PKNOX2: variants seen among roughly 807,000 people sequenced by gnomAD.
PKNOX2 encodes the protein homeobox protein PKNOX2.
In PKNOX2, 14 loss-of-function variants were observed where a neutral mutation model predicts 53.1. The observed-to-expected ratio is 0.26, with a 90% CI of 0.17 to 0.41. The LOEUF (loss-of-function observed/expected upper bound fraction) is 0.41, where lower values mean the gene tolerates loss of function less well. Ranked by LOEUF, PKNOX2 falls within the 10% of genes least tolerant of loss-of-function variation. PKNOX2 has a pLI of 1.00. For missense variants in PKNOX2, 496 were observed against 602.8 expected (o/e 0.82, Z 1.85); for synonymous variants, 257 against 242.8 (o/e 1.06, Z -0.54).
chr11:125,177,664 C>T (rs527514170), intron 1 of PKNOX2, among the ~76,000 whole-genome samples: 28 of 152,288 alleles, frequency 1.8e-4, no homozygotes, highest in Middle Eastern at 3.4e-3. Context: ...CCGTCACTTC[C>T]GTCTCTCTCC....
At chr11:125,243,071 GAT>G (rs1943282493) in intron 2 of PKNOX2, among the ~76,000 whole-genome samples, 1 of 152,202 alleles carries the variant, frequency 6.6e-6, no homozygotes, top group Admixed American at 6.5e-5. Flanking sequence ...GATTAAAAGA[GAT>G]ATGTGAAAGT....
chr11:125,306,674 C>T (rs1046311373), intron 2 of PKNOX2, among the ~76,000 whole-genome samples: 7 of 152,122 alleles, frequency 4.6e-5, no homozygotes, highest in African/African-American at 1.4e-4. Context: ...AAATGACTTG[C>T]CGAGTGTGCT....
rs1956248294 is a variant in PKNOX2, at chr11:125,423,083, T to C, written c.937-5929T>C. Among the ~76,000 whole-genome samples, 3 of 152,160 alleles carry C rather than the reference T, an allele frequency of 2.0e-5. No homozygotes were observed. The South Asian group carries it at 6.2e-4, about 32-fold the overall frequency. The stretch of plus-strand genomic sequence containing the variant: ...ACACATATGTATACACATACATATA[T>C]ACGTATGTATATACACATATATACA... On this transcript the variant is annotated intron_variant, in intron 10 of 12. Coordinates refer to ENST00000298282, the MANE Select transcript of PKNOX2 (RefSeq NM_001382323.2).
intron 2 of PKNOX2, among the ~76,000 whole-genome samples, chr11:125,272,646 G>A (rs557025480): frequency 1.2e-4 from 19 of 152,198 alleles, no homozygotes; most frequent in African/African-American, 4.1e-4. Context: ...TGTTCTTTAC[G>A]CTTTGATCGT....
intron 1 of PKNOX2, among the ~76,000 whole-genome samples, chr11:125,196,461 T>TTCCATCATGGGAGC (rs1937701884): frequency 6.6e-6 from 1 of 152,118 alleles, no homozygotes; most frequent in African/African-American, 2.4e-5. Context: ...TTGGAAGCCT[T>TTCCATCATGGGAGC]TCCATCATGG....
At chr11:125,215,097 C>T (rs1020692170) in intron 1 of PKNOX2, among the ~76,000 whole-genome samples, 5 of 152,018 alleles carry the variant, frequency 3.3e-5, no homozygotes, top group Non-Finnish European at 5.9e-5. Context: ...GTTTTGGCAG[C>T]GTTGCTAGGT....
intron 2 of PKNOX2, among the ~76,000 whole-genome samples, chr11:125,284,255 T>A (rs2135868326): frequency 6.6e-6 from 1 of 152,316 alleles, no homozygotes; most frequent in Admixed American, 6.5e-5. Flanking sequence ...CGGCAAGTAC[T>A]CCCATGGGCT....
chr11:125,329,497 T>G (rs1238632634), intron 2 of PKNOX2, among the ~76,000 whole-genome samples: 1 of 152,232 alleles, frequency 6.6e-6, no homozygotes, highest in African/African-American at 2.4e-5. Flanking sequence ...TTATACAGAT[T>G]TAAGATAGGA....
At chr11:125,395,352 G>T (rs1251041253) in intron 6 of PKNOX2, among the ~76,000 whole-genome samples, 1 of 152,114 alleles carries the variant, frequency 6.6e-6, no homozygotes, top group Non-Finnish European at 1.5e-5. Context: ...TCCGATTTTT[G>T]ACTATTAGAA....
intron 3 of PKNOX2, among the ~76,000 whole-genome samples, chr11:125,349,010 G>C (rs768292130): frequency 3.3e-5 from 5 of 152,088 alleles, no homozygotes; most frequent in East Asian, 1.9e-4. Context: ...ATCTGTGATC[G>C]ATGCTCCCGG....
chr11:125,390,008 G>T (rs890455), intron 6 of PKNOX2, among the ~76,000 whole-genome samples: 6,384 of 152,178 alleles, frequency 0.042, 167 homozygotes, highest in East Asian at 0.11. Context: ...GGGCCCAGAG[G>T]CCTCAGGCCA....
intron 4 of PKNOX2, among the ~76,000 whole-genome samples, chr11:125,357,975 G>T (rs1217778565): frequency 2.0e-5 from 3 of 152,100 alleles, no homozygotes; most frequent in Admixed American, 6.5e-5. Context: ...CAGAGTTCCT[G>T]TCCTCTTGGA....
In PKNOX2 at chr11:125,203,902, C is replaced by A. The variant is rs113631789; in HGVS notation, c.-200-31143C>A. ...TGGGGGAGTCTTGTGTTAGCTCATT[C>A]TTCCCAAGCTTCGTTTCCCCAAACC... On this transcript the variant is annotated intron_variant, in intron 1 of 12. Coordinates refer to ENST00000298282, the MANE Select transcript of PKNOX2 (RefSeq NM_001382323.2). 6.3e-3 allele frequency among the ~76,000 whole-genome samples: 959 copies of A among 152,280 alleles called. 8 individuals carry two copies. The highest frequency in any genetic ancestry group is 0.022 in the African/African-American group (908 of 41,558).
intron 1 of PKNOX2, among the ~76,000 whole-genome samples, chr11:125,193,327 G>A (rs927152424): frequency 1.3e-5 from 2 of 152,184 alleles, no homozygotes; most frequent in African/African-American, 4.8e-5. Flanking sequence ...TCTCTACCGA[G>A]GAATGCTGCA....
At chr11:125,177,810 G>A (rs905833372) in intron 1 of PKNOX2, among the ~76,000 whole-genome samples, 2 of 152,150 alleles carry the variant, frequency 1.3e-5, no homozygotes, top group African/African-American at 4.8e-5. Context: ...TGAGCTGGCT[G>A]GGACAGCAAT....
At chr11:125,364,326 A>G (rs1952073797) in intron 4 of PKNOX2, among the ~76,000 whole-genome samples, 1 of 152,250 alleles carries the variant, frequency 6.6e-6, no homozygotes, top group Admixed American at 6.5e-5. Flanking sequence ...CGTCCTCCTC[A>G]GACCAGCTCT....
chr11:125,228,509 C>A (rs1470709671), intron 1 of PKNOX2, among the ~76,000 whole-genome samples: 1 of 152,150 alleles, frequency 6.6e-6, no homozygotes, highest in Non-Finnish European at 1.5e-5. Context: ...CTCAATGACA[C>A]CCCACACTGG....
chr11:125,324,866 G>C (rs2136080617), intron 2 of PKNOX2, among the ~76,000 whole-genome samples: 1 of 152,266 alleles, frequency 6.6e-6, no homozygotes, highest in South Asian at 2.1e-4. Context: ...CTTGGGGAGA[G>C]AGCAAGGACT....
intron 2 of PKNOX2, among the ~76,000 whole-genome samples, chr11:125,252,299 A>C (rs1405726527): frequency 6.6e-6 from 1 of 152,154 alleles, no homozygotes; most frequent in East Asian, 1.9e-4. Flanking sequence ...GCTGTGGGGA[A>C]AGCTGGGGCT....
Sources: gnomAD v4.1 joint callset for allele counts (sites outside exome capture counted in the v4.1 genomes callset) on GRCh38, gnomAD v4.1.1 for gene constraint, MANE v1.5 for transcripts, NCBI Gene and HGNC (gene_info 2026-07-23, HGNC 2026-07-21) for gene names.